The following SRPK2 variants were observed in gnomAD, a reference collection of about 807,000 sequenced individuals.
The protein encoded by SRPK2 is SRSF protein kinase 2, also known as SFRS protein kinase 2.
Under a neutral mutation model 90.8 loss-of-function variants are expected in SRPK2, and 21 were observed. That is an observed-to-expected ratio of 0.23 (90% CI 0.16 to 0.33). SRPK2 has a LOEUF of 0.33. SRPK2 is among the 10% of genes least tolerant of loss of function. The pLI is 1.00. For missense variants in SRPK2, 620 were observed against 869.0 expected, an observed-to-expected ratio of 0.71 and a Z score of 3.60; for synonymous variants, 288 against 311.1, an observed-to-expected ratio of 0.93 and a Z score of 0.78.
chr7:105,342,307 A>G (rs1040980094), intron 2 of SRPK2, among the ~76,000 whole-genome samples: 1 of 151,296 alleles, frequency 6.6e-6, no homozygotes, highest in Admixed American at 6.6e-5. Context: ...CTGGGCGACA[A>G]GAGCAAAACT....
chr7:105,284,173 G>A (rs984300564), intron 2 of SRPK2, among the ~76,000 whole-genome samples: 2 of 152,182 alleles, frequency 1.3e-5, no homozygotes, highest in African/African-American at 4.8e-5. Flanking sequence ...CAGCTGTGCT[G>A]CCGAGCATGA....
intron 2 of SRPK2, among the ~76,000 whole-genome samples, chr7:105,309,016 G>A (rs987441621): frequency 3.3e-5 from 5 of 151,980 alleles, no homozygotes; most frequent in Admixed American, 6.6e-5. Context: ...CCTTTGCTTC[G>A]ATGTGCTTGT....
At chr7:105,171,148 T>C (rs937426992) in intron 3 of SRPK2, among the ~76,000 whole-genome samples, 2 of 152,004 alleles carry the variant, frequency 1.3e-5, no homozygotes, top group Admixed American at 6.5e-5. Context: ...TTAAGGTAGA[T>C]TCTTGAGGGC....
At chr7:105,163,637 T>C (rs1021386913) in intron 6 of SRPK2, among the ~76,000 whole-genome samples, 1 of 151,456 alleles carries the variant, frequency 6.6e-6, no homozygotes, top group Non-Finnish European at 1.5e-5. Flanking sequence ...TCTAAAAAAA[T>C]AAAAAATAAA....
intron 9 of SRPK2, 50 bp from the exon 10 acceptor site, chr7:105,143,380 C>T (rs17640401): frequency 0.017 from 26,153 of 1,580,828 alleles, 278 homozygotes; most frequent in Non-Finnish European, 0.019. Context: ...TAAAGCACCA[C>T]GATAGTATAA....
intron 7 of SRPK2, 50 bp from the exon 8 acceptor site, chr7:105,146,708 T>C (rs781350031): frequency 6.5e-7 from 1 of 1,548,818 alleles, no homozygotes; most frequent in South Asian, 1.2e-5. Flanking sequence ...TATCTCATTA[T>C]ATAACTTTTA....
intron 2 of SRPK2, among the ~76,000 whole-genome samples, chr7:105,336,243 A>G (rs1324372408): frequency 6.6e-6 from 1 of 152,196 alleles, no homozygotes; most frequent in African/African-American, 2.4e-5. Context: ...TCTTTTCTTT[A>G]CAACGTTTTA....
intron 7 of SRPK2, among the ~76,000 whole-genome samples, chr7:105,151,043 T>A (rs556961653): frequency 1.2e-4 from 18 of 152,252 alleles, no homozygotes; most frequent in African/African-American, 3.6e-4. Context: ...ATGACAATGA[T>A]GCACCTCATG....
At chr7:105,191,869 A>C (rs1033242170) in intron 3 of SRPK2, among the ~76,000 whole-genome samples, 5 of 150,804 alleles carry the variant, frequency 3.3e-5, no homozygotes, top group African/African-American at 1.2e-4. Flanking sequence ...TTTGTAAAAA[A>C]AAACAAAAAA....
chr7:105,254,561 A>T (rs1026662673), intron 2 of SRPK2, among the ~76,000 whole-genome samples: 3 of 152,228 alleles, frequency 2.0e-5, no homozygotes, highest in African/African-American at 7.2e-5. Flanking sequence ...AACATAAGAA[A>T]ATTTGCATAT....
intron 2 of SRPK2, among the ~76,000 whole-genome samples, chr7:105,357,098 C>A (rs1001517594): frequency 6.6e-6 from 1 of 150,392 alleles, no homozygotes. Context: ...TGCAGTGGTG[C>A]GATCTCGGCC....
intron 2 of SRPK2, among the ~76,000 whole-genome samples, chr7:105,384,427 G>A (rs567897104): frequency 1.2e-4 from 18 of 152,212 alleles, no homozygotes; most frequent in African/African-American, 4.1e-4. Context: ...TCTAGGAACT[G>A]GCTCAATTCA....
chr7:105,255,730 A>G (rs1396230384), intron 2 of SRPK2, among the ~76,000 whole-genome samples: 1 of 152,108 alleles, frequency 6.6e-6, no homozygotes, highest in Middle Eastern at 3.2e-3. Context: ...TCAGGAGTTC[A>G]AGACCAGCCT....
intron 3 of SRPK2, among the ~76,000 whole-genome samples, chr7:105,196,299 T>C (rs978478165): frequency 6.6e-6 from 1 of 152,240 alleles, no homozygotes; most frequent in Admixed American, 6.5e-5. Context: ...GCATTAATGA[T>C]TTTAAGTAAA....
chr7:105,132,591 A>G (rs1390287722), intron 13 of SRPK2, among the ~76,000 whole-genome samples, 200 bp downstream of exon 13: 2 of 152,162 alleles, frequency 1.3e-5, no homozygotes, highest in East Asian at 1.9e-4. Context: ...ACCACACCAA[A>G]CACCCAGGGC....
chr7:105,298,791 C>A lies in SRPK2; in HGVS notation c.71+89857G>T, dbSNP rs978143814. Reference sequence around the variant, plus strand: ...GGGCCCACTCCAACAGAGCCCACCTCCCGCTGTAAGGAGGGCTTCACGCAG... The same window carrying A: ...GGGCCCACTCCAACAGAGCCCACCTACCGCTGTAAGGAGGGCTTCACGCAG... On this transcript the variant is annotated intron_variant, in intron 2 of 15. Transcript: ENST00000393651. The A allele has an allele frequency of 4.1e-6, 4 of 985,440 alleles. No individual in the cohort carries two copies. The Admixed American group carries it at 2.5e-4, about 61-fold the overall frequency. 61.0% of individuals were successfully genotyped at this position (985,440 alleles called of 1,614,324 possible). A position where few individuals can be genotyped will look rare whatever the true frequency, so the allele number is the denominator to read the frequency against.
chr7:105,248,384 A>C (rs1802001175), intron 2 of SRPK2, among the ~76,000 whole-genome samples: 1 of 151,198 alleles, frequency 6.6e-6, no homozygotes, highest in African/African-American at 2.4e-5. Flanking sequence ...TAAGTCCAGG[A>C]ATCTGAGAGT....
At chr7:105,365,643 T>A (rs942332426) in intron 2 of SRPK2, among the ~76,000 whole-genome samples, 1 of 150,558 alleles carries the variant, frequency 6.6e-6, no homozygotes, top group Non-Finnish European at 1.5e-5. Flanking sequence ...ACAAAATGAT[T>A]TAAAAATTAG....
intron 2 of SRPK2, chr7:105,206,636 G>A (rs976759958): frequency 7.9e-5 from 12 of 152,416 alleles, no homozygotes; most frequent in African/African-American, 2.7e-4. Context: ...CTAGAACTGT[G>A]CTGCCCAATA....
Sources: allele counts gnomAD v4.1 joint callset (sites outside exome capture counted in the v4.1 genomes callset), GRCh38; gene constraint gnomAD v4.1.1; transcripts MANE v1.5; gene names NCBI Gene and HGNC (gene_info 2026-07-23, HGNC 2026-07-21).